Variants in PRKG1 observed in about 807,000 individuals in gnomAD.
PRKG1 encodes protein kinase cGMP-dependent 1.
PRKG1 carries 35 observed loss-of-function variants against 88.1 expected under a neutral mutation model. The observed-to-expected ratio is 0.40, with a 90% CI of 0.30 to 0.53. The LOEUF (loss-of-function observed/expected upper bound fraction) is 0.53, where lower values mean the gene tolerates loss of function less well. Among genes scored for constraint, PRKG1 ranks in the 20% least tolerant of loss-of-function variants. The probability of loss-of-function intolerance (pLI) is 0.59; values close to 1 mark genes in which losing one functional copy is unlikely to be tolerated. For synonymous variants in PRKG1, 303 were observed against 292.5 expected (o/e 1.04, Z -0.37); for missense variants, 540 against 839.8 (o/e 0.64, Z 4.41).
intron 1 of PRKG1, among the ~76,000 whole-genome samples, chr10:51,113,936 C>T (rs573060664): frequency 1.4e-5 from 2 of 138,926 alleles, no homozygotes; most frequent in Admixed American, 1.5e-4. Flanking sequence ...AAAAAGTCAG[C>T]CTGTAAACGT....
chr10:51,892,277 G>A (rs1321991519), intron 4 of PRKG1, among the ~76,000 whole-genome samples: 1 of 152,064 alleles, frequency 6.6e-6, no homozygotes, highest in Non-Finnish European at 1.5e-5. Flanking sequence ...TAGTAAAGAG[G>A]ATTTTTCAAA....
Position 52,089,987 on chromosome 10 carries a change from G to A in PRKG1, c.935+27356G>A, listed in dbSNP as rs567104537. ...GTGCCACCATGCCTAGCTAGTTTTC[G>A]TATTTTTAGTAGAAATGGGGTTTCA... On this transcript the variant is annotated intron_variant, in intron 7 of 17. Transcript: ENST00000373980. Among the ~76,000 whole-genome samples the A allele has an allele frequency of 5.3e-5, 8 of 151,642 alleles. No homozygotes were observed. The South Asian group carries it at 8.3e-4, about 16-fold the overall frequency.
chr10:51,210,223 C>A (rs141484984), intron 2 of PRKG1, among the ~76,000 whole-genome samples: 3,068 of 152,148 alleles, frequency 0.02, 47 homozygotes, highest in Middle Eastern at 0.051. Flanking sequence ...CTACCGGGTA[C>A]ATAACGAAAT....
intron 5 of PRKG1, among the ~76,000 whole-genome samples, chr10:51,947,016 C>G (rs1247945137): frequency 6.6e-6 from 1 of 152,070 alleles, no homozygotes; most frequent in Non-Finnish European, 1.5e-5. Flanking sequence ...ACATTTAAGT[C>G]TACAGAGGTT....
intron 7 of PRKG1, among the ~76,000 whole-genome samples, chr10:52,123,870 C>T (rs1847875489): frequency 6.6e-6 from 1 of 152,100 alleles, no homozygotes; most frequent in Non-Finnish European, 1.5e-5. Context: ...GAACTACCTC[C>T]AGACACTGAA....
At chr10:51,143,294 G>A (rs933378516) in intron 1 of PRKG1, among the ~76,000 whole-genome samples, 18 of 152,012 alleles carry the variant, frequency 1.2e-4, no homozygotes, top group African/African-American at 3.1e-4. Flanking sequence ...CAACCATGTT[G>A]TTGTAAATGG....
rs781293867 is a variant in PRKG1 at position 52,280,835 on chromosome 10, G to C, written c.1450G>C (p.Val484Leu). The C allele has an allele frequency of 2.7e-5, 43 of 1,612,878 alleles. 1 individual carries two copies. In the South Asian group the frequency reaches 4.6e-4, roughly 17 times the overall value. Residue 484 changes from valine (V) to leucine (L), a missense_variant, in exon 13 of 18, where the codon GTA becomes CTA. Physicochemically the swap from Val to Leu is conservative, Grantham distance 32 (BLOSUM62 1). This residue lies in a region of PRKG1 where 400 missense variants were observed against 562.7 expected (regional missense o/e 0.71). Transcript: ENST00000373980. Reference protein sequence around the residue: ...STTRFYTACVVEAFAYLHSKG... With the variant: ...STTRFYTACVLEAFAYLHSKG... ...AACCAGATTTTACACAGCATGTGTG[G>C]TAGAAGCTTTTGCCTATCTGCATTC...
At chr10:51,183,264 G>A (rs765207493) in intron 2 of PRKG1, among the ~76,000 whole-genome samples, 2 of 152,182 alleles carry the variant, frequency 1.3e-5, no homozygotes, top group African/African-American at 4.8e-5. Context: ...TTGTGGGAAA[G>A]CATAGATAAA....
chr10:52,183,649 G>A (rs1186676434), intron 9 of PRKG1, among the ~76,000 whole-genome samples: 1 of 152,202 alleles, frequency 6.6e-6, no homozygotes, highest in Non-Finnish European at 1.5e-5. Context: ...CCCACTGCTG[G>A]ATAAAAGTGT....
chr10:51,441,997 C>A (rs1008881112), intron 2 of PRKG1, among the ~76,000 whole-genome samples: 1 of 151,696 alleles, frequency 6.6e-6, no homozygotes, highest in African/African-American at 2.4e-5. Context: ...CTTTAATATT[C>A]TTCCAAGTTT....
chr10:51,660,816 G>A lies in PRKG1; in HGVS notation c.593-143769G>A, dbSNP rs561871535. Reference sequence around the variant, plus strand: ...CAGTGGGTAAAAAGGGTTGCATGCAGTTATTGAAATGCTTTGTGACTTCCG... The same window carrying A: ...CAGTGGGTAAAAAGGGTTGCATGCAATTATTGAAATGCTTTGTGACTTCCG... On this transcript the variant is annotated intron_variant, in intron 3 of 17. Coordinates refer to ENST00000373980, the MANE Select transcript of PRKG1 (RefSeq NM_006258.4). Among the ~76,000 whole-genome samples, 3 of 152,160 alleles carry A rather than the reference G, an allele frequency of 2.0e-5. No individual in the cohort carries two copies. In the South Asian group the frequency reaches 6.2e-4, roughly 32 times the overall value.
At chr10:52,224,203 A>C (rs978753227) in intron 9 of PRKG1, among the ~76,000 whole-genome samples, 2 of 151,958 alleles carry the variant, frequency 1.3e-5, no homozygotes, top group Admixed American at 6.6e-5. Context: ...CTCTGCCTTC[A>C]GAGGAGACTG....
At position 51,970,001 on chromosome 10, in the gene PRKG1, TAC is replaced by T. The variant is rs35117709; in HGVS notation, c.762+62480_762+62481del. On this transcript the variant is annotated intron_variant, in intron 5 of 17. Transcript: ENST00000373980. ...TTGCTTTATTTGCCCATTCTCTTCATACACACACACACACACACACACACACA... is the reference window on the plus strand; with the variant it reads ...TTGCTTTATTTGCCCATTCTCTTCATACACACACACACACACACACACACA... Among the ~76,000 whole-genome samples the T allele has an allele frequency of 3.6e-3, 524 of 144,578 alleles. 4 individuals carry two copies. Among genetic ancestry groups the T allele is most frequent in the African/African-American group, 0.013 (494 of 38,602 alleles). The allele number at this position is 144,578 out of a possible 152,430, so 94.8% of individuals were successfully genotyped here. A position where few individuals can be genotyped will look rare whatever the true frequency, so the allele number is the denominator to read the frequency against.
chr10:51,241,033 C>CTA (rs1403336860), intron 2 of PRKG1, among the ~76,000 whole-genome samples: 3 of 152,106 alleles, frequency 2.0e-5, no homozygotes, highest in African/African-American at 7.2e-5. Context: ...TGGGTGCTTA[C>CTA]TATGTGTTTA....
chr10:51,684,649 G>A (rs1191800142), intron 3 of PRKG1, among the ~76,000 whole-genome samples: 1 of 151,966 alleles, frequency 6.6e-6, no homozygotes, highest in Non-Finnish European at 1.5e-5. Context: ...GCAACAGATA[G>A]TTTGAGCTAA....
At chr10:52,027,390 G>T (rs1160518236) in intron 5 of PRKG1, among the ~76,000 whole-genome samples, 3 of 152,160 alleles carry the variant, frequency 2.0e-5, no homozygotes, top group Non-Finnish European at 4.4e-5. Context: ...ATTGCAAAAG[G>T]CTTGTATTCC....
chr10:51,930,820 G>A (rs1377582142), intron 5 of PRKG1, among the ~76,000 whole-genome samples: 1 of 152,062 alleles, frequency 6.6e-6, no homozygotes, highest in Non-Finnish European at 1.5e-5. Flanking sequence ...AAAAAGAAAG[G>A]CAAACGTAGT....
At chr10:51,947,523 G>A (rs1423908360) in intron 5 of PRKG1, among the ~76,000 whole-genome samples, 2 of 152,126 alleles carry the variant, frequency 1.3e-5, no homozygotes, top group Non-Finnish European at 2.9e-5. Context: ...CGGTACCTCA[G>A]ATGGAAATGC....
At chr10:51,006,456 G>T (rs1035072014) in intron 1 of PRKG1, among the ~76,000 whole-genome samples, 1 of 152,120 alleles carries the variant, frequency 6.6e-6, no homozygotes, top group African/African-American at 2.4e-5. Context: ...ATCATTTATT[G>T]ATTCTGACTT....
Sources: allele counts gnomAD v4.1 joint callset (sites outside exome capture counted in the v4.1 genomes callset), GRCh38; gene constraint gnomAD v4.1.1; regional missense constraint gnomAD v4.1.1; transcripts MANE v1.5; gene names NCBI Gene and HGNC (gene_info 2026-07-23, HGNC 2026-07-21).